APLF: variants seen among roughly 807,000 people sequenced by gnomAD.
APLF encodes aprataxin and PNK-like factor.
APLF carries 61 observed loss-of-function variants against 55.6 expected under a neutral mutation model. That is an observed-to-expected ratio of 1.10 (90% CI 0.89 to 1.36). The LOEUF (loss-of-function observed/expected upper bound fraction) is 1.36. Ranked by LOEUF, APLF falls within the 40% of genes most tolerant of loss-of-function variation. The probability of loss-of-function intolerance (pLI) is 0.00; values close to 1 mark genes in which losing one functional copy is unlikely to be tolerated. For missense variants in APLF, 611 were observed against 602.5 expected (o/e 1.01, Z -0.15); for synonymous variants, 207 against 214.8 (o/e 0.96, Z 0.32).
intron 6 of APLF, among the ~76,000 whole-genome samples, chr2:68,531,188 G>A (rs1438165461): frequency 6.6e-6 from 1 of 152,136 alleles, no homozygotes; most frequent in African/African-American, 2.4e-5. Flanking sequence ...AAGAAAATGA[G>A]GACTATTTAT....
At chr2:68,531,803 C>T (rs963541941) in intron 6 of APLF, among the ~76,000 whole-genome samples, 10 of 152,042 alleles carry the variant, frequency 6.6e-5, no homozygotes, top group African/African-American at 2.2e-4. Flanking sequence ...TTGATAATCA[C>T]AAGAAAAACT....
rs766700631 is a variant in APLF at position 68,538,025 on chromosome 2, G to T, written c.958G>T (p.Glu320Ter). 5.0e-6 allele frequency: 8 copies of T among 1,614,098 alleles called. No homozygotes were observed. In the East Asian group the frequency reaches 1.8e-4, roughly 36 times the overall value. The change falls in exon 7 of 10, where the codon GAG (glutamate) becomes TAG (stop). Residue 320 changes from glutamate (E) to a stop codon, truncating the protein, a stop_gained. Coordinates refer to ENST00000303795, the MANE Select transcript of APLF (RefSeq NM_173545.3). LOFTEE classifies it high-confidence loss of function. ...ATKRTPHKED[E>*]AMSCSENCSS... The stretch of plus-strand genomic sequence containing the variant: ...TAAAAGAACACCACATAAAGAAGAT[G>T]AGGCAATGAGCTGTTCTGAAAATTG...
At position 68,564,830 on chromosome 2, in the gene APLF, G is replaced by T. The variant is rs113100247; in HGVS notation, c.1287-2511G>T. On this transcript the variant is annotated intron_variant, in intron 8 of 9. Transcript: ENST00000303795. ...TCACTTCATAAGAAAGAGGGTGTTTGGCTGTGGTTTGAGAAGGATTAATTG... is the reference window on the plus strand; with the variant it reads ...TCACTTCATAAGAAAGAGGGTGTTTTGCTGTGGTTTGAGAAGGATTAATTG... Among the ~76,000 whole-genome samples the T allele has an allele frequency of 5.8e-3, 879 of 152,174 alleles. 5 individuals are homozygous for T. Among genetic ancestry groups the T allele is most frequent in the African/African-American group, 0.02 (840 of 41,524 alleles).
chr2:68,470,824 CAGTT>C (rs758513066), intron 1 of APLF, among the ~76,000 whole-genome samples: 19 of 152,288 alleles, frequency 1.2e-4, no homozygotes, highest in Middle Eastern at 3.4e-3. Flanking sequence ...GAAGAGTCCT[CAGTT>C]GGGGGAACAG....
intron 3 of APLF, among the ~76,000 whole-genome samples, chr2:68,503,937 A>T (rs535600501): frequency 2.6e-5 from 4 of 152,044 alleles, no homozygotes; most frequent in Non-Finnish European, 5.9e-5. Context: ...AATTGGTGAA[A>T]CTGTAGTAAG....
intron 9 of APLF, among the ~76,000 whole-genome samples, chr2:68,573,022 T>C (rs762895139): frequency 5.9e-5 from 9 of 152,162 alleles, no homozygotes; most frequent in Non-Finnish European, 1.2e-4. Context: ...ACATTTAGAA[T>C]TGTCATTCTC....
intron 2 of APLF, among the ~76,000 whole-genome samples, chr2:68,491,670 G>A (rs1482471034): frequency 6.6e-6 from 1 of 152,144 alleles, no homozygotes; most frequent in Non-Finnish European, 1.5e-5. Flanking sequence ...GTGCAGTTTT[G>A]TTACATGATT....
intron 1 of APLF, among the ~76,000 whole-genome samples, chr2:68,472,801 A>G (rs1341948767): frequency 1.3e-5 from 2 of 152,210 alleles, no homozygotes; most frequent in African/African-American, 2.4e-5. Context: ...CATTATGTCA[A>G]TGATCCCGTT....
chr2:68,517,238 A>C (rs1669625164), intron 5 of APLF, among the ~76,000 whole-genome samples: 1 of 105,772 alleles, frequency 9.5e-6, no homozygotes, highest in Non-Finnish European at 1.8e-5. Flanking sequence ...ATATTAATAT[A>C]TGTCATTACT....
intron 5 of APLF, among the ~76,000 whole-genome samples, chr2:68,522,025 T>C (rs1357974996): frequency 6.6e-6 from 1 of 151,942 alleles, no homozygotes; most frequent in African/African-American, 2.4e-5. Context: ...AATCATGTTA[T>C]CTATAGAATT....
At chr2:68,486,695 A>T (rs1676185797) in intron 1 of APLF, among the ~76,000 whole-genome samples, 1 of 152,168 alleles carries the variant, frequency 6.6e-6, no homozygotes, top group African/African-American at 2.4e-5. Context: ...GGATATGGGT[A>T]GTTTTATTTG....
At chr2:68,496,339 A>G (rs1323942198) in intron 2 of APLF, among the ~76,000 whole-genome samples, 2 of 152,034 alleles carry the variant, frequency 1.3e-5, no homozygotes, top group Non-Finnish European at 2.9e-5. Flanking sequence ...TCCTGACCTC[A>G]GGTGATTCAC....
intron 8 of APLF, among the ~76,000 whole-genome samples, chr2:68,557,270 G>T (rs1290418393): frequency 2.6e-5 from 4 of 152,020 alleles, no homozygotes; most frequent in Non-Finnish European, 4.4e-5. Flanking sequence ...AATTGTTATT[G>T]TACTTTACTG....
chr2:68,495,121 A>C (rs1676500371), intron 2 of APLF, among the ~76,000 whole-genome samples: 1 of 152,138 alleles, frequency 6.6e-6, no homozygotes, highest in South Asian at 2.1e-4. Context: ...AAACTGTGTA[A>C]TTCTTCCCCT....
At chr2:68,491,404 T>G (rs1200978960) in intron 2 of APLF, among the ~76,000 whole-genome samples, 1 of 152,190 alleles carries the variant, frequency 6.6e-6, no homozygotes, top group East Asian at 1.9e-4. Flanking sequence ...ATAGTAGGTA[T>G]TTAATTAATA....
At chr2:68,534,210 CAG>C (rs1426944113) in intron 6 of APLF, among the ~76,000 whole-genome samples, 1 of 152,278 alleles carries the variant, frequency 6.6e-6, no homozygotes, top group East Asian at 1.9e-4. Flanking sequence ...GCAGAGAACT[CAG>C]AGGCAGAATG....
intron 9 of APLF, among the ~76,000 whole-genome samples, chr2:68,570,500 G>A (rs2104075664): frequency 6.7e-6 from 1 of 150,074 alleles, no homozygotes; most frequent in East Asian, 2.0e-4. Context: ...ATGTCCAAGT[G>A]TTCTCATTGT....
chr2:68,467,723 T>C lies in APLF; in HGVS notation c.-9T>C. 2 of 1,234,766 alleles carry C rather than the reference T, an allele frequency of 1.6e-6. No individual in the cohort carries two copies. The highest frequency in any genetic ancestry group is 2.0e-6 in the Non-Finnish European group (2 of 987,928). 76.5% of individuals were successfully genotyped at this position (1,234,766 alleles called of 1,614,324 possible). On this transcript the variant is annotated 5_prime_UTR_variant, in exon 1 of 10. Coordinates refer to ENST00000303795, the MANE Select transcript of APLF (RefSeq NM_173545.3). ...GTCTCCTGGCGAAGGGGCCTAATCC[T>C]TGCCCGCCATGTCCGGGGGCTTCGA...
Position 68,578,347 on chromosome 2 carries a change from C to T in APLF, c.*325C>T. 1.9e-6 allele frequency: 2 copies of T among 1,029,222 alleles called. No homozygotes were observed. Among genetic ancestry groups the T allele is most frequent in the Non-Finnish European group, 2.3e-6 (2 of 856,960 alleles). The allele number at this position is 1,029,222 out of a possible 1,614,324, so 63.8% of individuals were successfully genotyped here. A position where few individuals can be genotyped will look rare whatever the true frequency, so the allele number is the denominator to read the frequency against. ...GCCATAGGTTGCATAAAACTTTGGTCTTTTTAAATTTTTTTCCAAAGATTA... is the reference window on the plus strand; with the variant it reads ...GCCATAGGTTGCATAAAACTTTGGTTTTTTTAAATTTTTTTCCAAAGATTA... On this transcript the variant is annotated 3_prime_UTR_variant, in exon 10 of 10. Coordinates refer to ENST00000303795, the MANE Select transcript of APLF (RefSeq NM_173545.3).
Sources: allele counts gnomAD v4.1 joint callset (sites outside exome capture counted in the v4.1 genomes callset), GRCh38; gene constraint gnomAD v4.1.1; transcripts MANE v1.5; gene names NCBI Gene and HGNC (gene_info 2026-07-23, HGNC 2026-07-21).